The following LRRC27 variants were observed in gnomAD, a reference collection of about 807,000 sequenced individuals.
LRRC27 encodes leucine-rich repeat-containing protein 27.
LRRC27 carries 57 observed loss-of-function variants against 55.0 expected under a neutral mutation model. The observed-to-expected ratio is 1.04, with a 90% CI of 0.84 to 1.29. The LOEUF (loss-of-function observed/expected upper bound fraction) is 1.29. Among genes scored for constraint, LRRC27 ranks in the 50% most tolerant of loss-of-function variants. LRRC27 has a pLI of 0.00. For missense variants in LRRC27, 721 were observed against 651.5 expected (o/e 1.11, Z -1.16); for synonymous variants, 278 against 251.9 (o/e 1.10, Z -0.98).
intron 2 of LRRC27, 22 bp from the exon 3 acceptor site, chr10:132,337,543 C>T (rs2067194385): frequency 6.2e-7 from 1 of 1,608,356 alleles, no homozygotes; most frequent in Non-Finnish European, 8.5e-7. Flanking sequence ...AAAACATTCT[C>T]TGATTCTCTT....
chr10:132,351,718 C>T lies in LRRC27; in HGVS notation c.1038C>T (p.Leu346=), dbSNP rs963815082. The T allele has an allele frequency of 1.9e-6, 3 of 1,613,346 alleles. No individual in the cohort carries two copies. Among genetic ancestry groups the T allele is most frequent in the African/African-American group, 2.7e-5 (2 of 74,904 alleles). The change falls in exon 7 of 11, where the codon CTC becomes CTT. Residue 346 remains leucine (L), a synonymous_variant. Coordinates refer to ENST00000368614, the MANE Select transcript of LRRC27 (RefSeq NM_030626.3). ...GCCGAGCGGCGGCGCTCCGAGAGCT[C>T]CAGGAGAAGCAGGCTCTGATGGAGC... ...EESRAAALRE[L]QEKQALMEQQ... is the part of the protein sequence containing the mutation.
chr10:132,364,569 G>GC (rs1564854110), intron 9 of LRRC27, among the ~76,000 whole-genome samples: 2 of 5,992 alleles, frequency 3.3e-4, no homozygotes, highest in Admixed American at 3.6e-3. Flanking sequence ...TTACACCCAC[G>GC]TCCACACCCT....
intron 6 of LRRC27, among the ~76,000 whole-genome samples, chr10:132,349,614 C>A (rs555952632): frequency 3.0e-4 from 46 of 152,316 alleles, no homozygotes; most frequent in Non-Finnish European, 5.4e-4. Context: ...TTGTTAGGGA[C>A]CCTAATAATA....
chr10:132,331,592 A>C, upstream of LRRC27: 1 of 1,612,892 alleles, frequency 6.2e-7, no homozygotes, highest in Non-Finnish European at 8.5e-7. Flanking sequence ...CCCAGGAGAG[A>C]CGCGGGGAGT....
chr10:132,341,284 T>C (rs567613949), intron 3 of LRRC27, among the ~76,000 whole-genome samples: 3 of 151,618 alleles, frequency 2.0e-5, no homozygotes, highest in Admixed American at 6.6e-5. Flanking sequence ...GGCGGGAGGA[T>C]TGCTTGAGCC....
In LRRC27 at chr10:132,352,653, G is replaced by A. The variant is rs1462518202; in HGVS notation, c.1073+900G>A. Among the ~76,000 whole-genome samples, 3 of 130,780 alleles carry A rather than the reference G, an allele frequency of 2.3e-5. 1 individual carries two copies. The highest frequency in any genetic ancestry group is 4.8e-5 in the Non-Finnish European group (3 of 62,864). 85.8% of individuals were successfully genotyped at this position (130,780 alleles called of 152,430 possible). A position where few individuals can be genotyped will look rare whatever the true frequency, so the allele number is the denominator to read the frequency against. On this transcript the variant is annotated intron_variant, in intron 7 of 10. Transcript: ENST00000368614. ...CGCTCCGTGTGGGGCAGGCGCTGAG[G>A]CCTCCGTGTGGGGCAGGCGCTGAGG...
Position 132,344,491 on chromosome 10 carries a change from A to C in LRRC27, c.401-7A>C. 6.2e-7 allele frequency: 1 copy of C among 1,603,156 alleles called. No homozygotes were observed. Among genetic ancestry groups the C allele is most frequent in the African/African-American group, 1.3e-5 (1 of 74,356 alleles). ...AATGCTGACAGTTTTTTTTTCCTCC[A>C]CTGCAGGGAGCGTAACCACGCTGAA... On this transcript the variant is annotated splice_region_variant and splice_polypyrimidine_tract_variant and intron_variant, in intron 4 of 10. Coordinates refer to ENST00000368614, the MANE Select transcript of LRRC27 (RefSeq NM_030626.3).
Position 132,379,327 on chromosome 10 carries a change from C to T in LRRC27, c.*4085C>T, listed in dbSNP as rs1349438230. ...TCTTGGATGCCATCCTGCTCATCTC[C>T]AGCATTTCCTCTCACCTCCGTGTTC... On this transcript the variant is annotated 3_prime_UTR_variant, in exon 11 of 11. Coordinates refer to ENST00000368614, the MANE Select transcript of LRRC27 (RefSeq NM_030626.3). 8.7e-5 allele frequency: 13 copies of T among 148,922 alleles called. No homozygotes were observed. The highest frequency in any genetic ancestry group is 3.5e-3 in the Middle Eastern group (1 of 282). The allele number at this position is 148,922 out of a possible 1,614,324, so 9.2% of individuals were successfully genotyped here.
Position 132,342,238 on chromosome 10 carries a change from A to G in LRRC27, c.367A>G (p.Arg123Gly). 1 of 1,556,186 alleles carries G rather than the reference A, an allele frequency of 6.4e-7. No individual in the cohort carries two copies. Among genetic ancestry groups the G allele is most frequent in the South Asian group, 1.2e-5 (1 of 83,498 alleles). The change falls in exon 4 of 11, where the codon AGA (arginine) becomes GGA (glycine). Residue 123 changes from arginine (R) to glycine (G), a missense_variant. Physicochemically the swap from Arg to Gly is moderately radical, Grantham distance 125 (BLOSUM62 -2). Coordinates refer to ENST00000368614, the MANE Select transcript of LRRC27 (RefSeq NM_030626.3). ...HQHLKTLLLE[R>G]NPIKMLPVEL... is the part of the protein sequence containing the mutation. The stretch of plus-strand genomic sequence containing the variant: ...GCATTTGAAAACTTTGCTTTTAGAA[A>G]GAAATCCTATCAAAATGTTACCTGT...
intron 10 of LRRC27, among the ~76,000 whole-genome samples, chr10:132,373,497 G>T (rs12268353): frequency 0.017 from 2,626 of 152,292 alleles, 71 homozygotes; most frequent in African/African-American, 0.06. Flanking sequence ...CAGGCACTGG[G>T]AGGGAGCTGG....
chr10:132,352,734 C>G (rs1046529369), intron 7 of LRRC27: 78 of 776,564 alleles, frequency 1.0e-4, no homozygotes, highest in Non-Finnish European at 1.5e-4. Context: ...CGTGCATGGG[C>G]TCCCTTGTTT....
Position 132,342,273 on chromosome 10 carries a change from TA to T in LRRC27, c.400+4del. On this transcript the variant is annotated splice_donor_region_variant and intron_variant, in intron 4 of 10. Transcript: ENST00000368614. ...TCAAAATGTTACCTGTGGAGCTGGG[TA>T]AGTATAAAATAATAAAAAGATGATT... 6.6e-7 allele frequency: 1 copy of T among 1,514,988 alleles called. No individual in the cohort carries two copies. The highest frequency in any genetic ancestry group is 8.9e-7 in the Non-Finnish European group (1 of 1,121,750). 93.8% of individuals were successfully genotyped at this position (1,514,988 alleles called of 1,614,324 possible).
chr10:132,373,148 A>G (rs1401112255), intron 10 of LRRC27, among the ~76,000 whole-genome samples: 1 of 152,226 alleles, frequency 6.6e-6, no homozygotes, highest in Non-Finnish European at 1.5e-5. Flanking sequence ...AAGAACTCCC[A>G]AGGCAAAGTT....
chr10:132,337,774 A>C, intron 3 of LRRC27, 79 bp downstream of exon 3: 1 of 1,511,636 alleles, frequency 6.6e-7, no homozygotes, highest in East Asian at 2.3e-5. Context: ...CTTGTCCTTT[A>C]CTCTTGATTA....
upstream of LRRC27, chr10:132,331,495 A>G (rs1186921177): frequency 6.2e-7 from 1 of 1,612,660 alleles, no homozygotes; most frequent in Non-Finnish European, 8.5e-7. Context: ...TCCAAAGAGG[A>G]CGCTCTGAGT....
chr10:132,331,432 T>A (rs777630779), upstream of LRRC27: 1 of 1,608,988 alleles, frequency 6.2e-7, no homozygotes, highest in Middle Eastern at 1.7e-4. Context: ...CTCAGGACAC[T>A]CACTGCGTTT....
chr10:132,364,621 A>C (rs2068920199), intron 9 of LRRC27, among the ~76,000 whole-genome samples: 1 of 85,268 alleles, frequency 1.2e-5, no homozygotes, highest in East Asian at 3.4e-4. Flanking sequence ...GCTTACATCT[A>C]CCTCCACGCC....
chr10:132,330,209 G>T (rs2066620968), upstream of LRRC27: 1 of 524,882 alleles, frequency 1.9e-6, no homozygotes, highest in Admixed American at 3.1e-5. Context: ...ATTAACTACT[G>T]ACTACAAAAA....
At chr10:132,331,032 C>A (rs2066688621), upstream of LRRC27, among the ~76,000 whole-genome samples, 1 of 150,936 alleles carries the variant, frequency 6.6e-6, no homozygotes, top group Non-Finnish European at 1.5e-5. Flanking sequence ...GAAACCCCGT[C>A]TCTACTAAAA....
Sources: gnomAD v4.1 joint callset for allele counts (sites outside exome capture counted in the v4.1 genomes callset) on GRCh38, gnomAD v4.1.1 for gene constraint, MANE v1.5 for transcripts, NCBI Gene and HGNC (gene_info 2026-07-23, HGNC 2026-07-21) for gene names.